Variants in WDFY3 observed in about 807,000 individuals in gnomAD.
WDFY3 encodes WD repeat and FYVE domain-containing protein 3.
Under a neutral mutation model 409.6 loss-of-function variants are expected in WDFY3, and 66 were observed. That is an observed-to-expected ratio of 0.16 (90% CI 0.13 to 0.20). The LOEUF (loss-of-function observed/expected upper bound fraction) is 0.20, where lower values mean the gene tolerates loss of function less well. Ranked by LOEUF, WDFY3 falls within the 10% of genes least tolerant of loss-of-function variation. The pLI, the probability that WDFY3 is intolerant of heterozygous loss-of-function variation, is 1.00. For synonymous variants in WDFY3, 1,521 were observed against 1,537.1 expected, an observed-to-expected ratio of 0.99 and a Z score of 0.25; for missense variants, 3,031 against 4,298.1, an observed-to-expected ratio of 0.71 and a Z score of 8.24.
chr4:84,678,853 G>A (rs1404463159), intron 65 of WDFY3, 66 bp downstream of exon 65: 1 of 1,523,746 alleles, frequency 6.6e-7, no homozygotes, highest in African/African-American at 1.4e-5. Flanking sequence ...AGACCCCACT[G>A]CCTCAATCCA....
intron 1 of WDFY3, among the ~76,000 whole-genome samples, chr4:84,955,650 A>G (rs1774152939): frequency 6.6e-6 from 1 of 152,240 alleles, no homozygotes; most frequent in Admixed American, 6.5e-5. Flanking sequence ...GGAGCTCTAT[A>G]CTATTTTTGC....
intron 3 of WDFY3, among the ~76,000 whole-genome samples, chr4:84,865,789 A>G (rs141372469): frequency 6.6e-6 from 1 of 152,250 alleles, no homozygotes; most frequent in East Asian, 1.9e-4. Context: ...AATGCCAGAG[A>G]CCAGGCACAG....
At chr4:84,954,056 C>T (rs142179341) in intron 1 of WDFY3, among the ~76,000 whole-genome samples, 118 of 152,228 alleles carry the variant, frequency 7.8e-4, no homozygotes, top group African/African-American at 2.7e-3. Flanking sequence ...ATGTGTAAAG[C>T]GTCCATGCAT....
In WDFY3 at chr4:84,703,767, A is replaced by G. The variant is rs562047403; in HGVS notation, c.8442+571T>C. 2.2e-3 allele frequency among the ~76,000 whole-genome samples: 338 copies of G among 152,024 alleles called. 2 individuals carry two copies. Among genetic ancestry groups the G allele is most frequent in the African/African-American group, 7.9e-3 (327 of 41,472 alleles). On this transcript the variant is annotated intron_variant, in intron 55 of 67. Coordinates refer to ENST00000295888, the MANE Select transcript of WDFY3 (RefSeq NM_014991.6). Reference sequence around the variant, plus strand: ...CCTTGCCCAACCTCCTGTTCTCCCCACTTCCCATCCCCCTTTCTGGACCTA... The same window carrying G: ...CCTTGCCCAACCTCCTGTTCTCCCCGCTTCCCATCCCCCTTTCTGGACCTA...
chr4:84,745,147 C>T (rs1739199376), intron 36 of WDFY3, among the ~76,000 whole-genome samples: 1 of 152,086 alleles, frequency 6.6e-6, no homozygotes, highest in Non-Finnish European at 1.5e-5. Flanking sequence ...CATAACTTTC[C>T]AGTATCTGAT....
intron 49 of WDFY3, among the ~76,000 whole-genome samples, chr4:84,716,655 C>T (rs1380249215): frequency 2.7e-5 from 4 of 147,306 alleles, no homozygotes; most frequent in East Asian, 4.2e-4. Flanking sequence ...AAAAATTAGC[C>T]TGGCGTGGTG....
At chr4:84,754,090 G>C (rs1428665320) in intron 34 of WDFY3, among the ~76,000 whole-genome samples, 2 of 152,032 alleles carry the variant, frequency 1.3e-5, no homozygotes, top group African/African-American at 4.8e-5. Flanking sequence ...GAAACTGATA[G>C]GATCATTGTC....
intron 1 of WDFY3, among the ~76,000 whole-genome samples, chr4:84,942,308 C>T (rs552317186): frequency 2.0e-5 from 3 of 151,270 alleles, no homozygotes; most frequent in Admixed American, 1.3e-4. Flanking sequence ...AGACTGGAAC[C>T]CAAAATATAT....
At chr4:84,881,186 T>C (rs1763487998) in intron 3 of WDFY3, among the ~76,000 whole-genome samples, 1 of 152,176 alleles carries the variant, frequency 6.6e-6, no homozygotes, top group Non-Finnish European at 1.5e-5. Flanking sequence ...CATCACATAC[T>C]TTTATTTTAA....
intron 17 of WDFY3, among the ~76,000 whole-genome samples, chr4:84,801,368 A>T (rs181372022): frequency 6.6e-6 from 1 of 152,230 alleles, no homozygotes; most frequent in Non-Finnish European, 1.5e-5. Context: ...ATGAAAAGTT[A>T]TTAAATATAA....
chr4:84,926,253 C>T (rs965266629), intron 2 of WDFY3, among the ~76,000 whole-genome samples: 1 of 147,346 alleles, frequency 6.8e-6, no homozygotes, highest in Non-Finnish European at 1.5e-5. Flanking sequence ...ATACAAACAT[C>T]AGGCTCTATT....
chr4:84,752,798 T>G (rs1740763978), intron 35 of WDFY3, among the ~76,000 whole-genome samples: 1 of 152,174 alleles, frequency 6.6e-6, no homozygotes, highest in Non-Finnish European at 1.5e-5. Context: ...CATGAAATTT[T>G]GAAGTACTAT....
intron 1 of WDFY3, among the ~76,000 whole-genome samples, chr4:84,962,379 G>A (rs1002707099): frequency 6.6e-6 from 1 of 152,090 alleles, no homozygotes; most frequent in African/African-American, 2.4e-5. Flanking sequence ...TACGCTAAGT[G>A]CAAGGGAACA....
At chr4:84,903,822 C>T (rs1021191479) in intron 2 of WDFY3, among the ~76,000 whole-genome samples, 17 of 152,272 alleles carry the variant, frequency 1.1e-4, no homozygotes, top group African/African-American at 3.6e-4. Flanking sequence ...TAAGACACTA[C>T]GCTATACACA....
At position 84,726,992 on chromosome 4, in the gene WDFY3, T is replaced by C. The variant is rs1352288334; in HGVS notation, c.7222-81A>G. ...ACAAAAATAAAATTTTTCTTGAGGA[T>C]TGTATGAAATATGAAAGATGTAGTT... On this transcript the variant is annotated intron_variant, in intron 44 of 67. Coordinates refer to ENST00000295888, the MANE Select transcript of WDFY3 (RefSeq NM_014991.6). The C allele has an allele frequency of 3.9e-6, 5 of 1,267,878 alleles. No individual in the cohort carries two copies. In the African/African-American group the frequency reaches 4.6e-5, roughly 12 times the overall value. The allele number at this position is 1,267,878 out of a possible 1,614,324, so 78.5% of individuals were successfully genotyped here. A position where few individuals can be genotyped will look rare whatever the true frequency, so the allele number is the denominator to read the frequency against.
intron 56 of WDFY3, among the ~76,000 whole-genome samples, chr4:84,701,176 G>A (rs1005381151): frequency 1.3e-5 from 2 of 152,140 alleles, no homozygotes; most frequent in Admixed American, 6.6e-5. Flanking sequence ...GATTGTTCTC[G>A]TTGACTATTC....
intron 3 of WDFY3, among the ~76,000 whole-genome samples, chr4:84,872,806 T>C (rs573341509): frequency 8.8e-4 from 134 of 152,206 alleles, no homozygotes; most frequent in African/African-American, 3.1e-3. Context: ...CCATGCTAAC[T>C]CTAATCAAAG....
At position 84,696,778 on chromosome 4, in the gene WDFY3, G is replaced by A. The variant is rs1730220910; in HGVS notation, c.8642C>T (p.Pro2881Leu). ...GTKLGDVILP[P>L]WAKGDPREFI... ...TTCTCGTGGGTCCCCTTTTGCCCAG[G>A]GTGGAAGGATAACATCTCCAAGCTT... The change falls in exon 57 of 68, where the codon CCC (proline) becomes CTC (leucine). Residue 2881 changes from proline (P) to leucine (L), a missense_variant. By Grantham distance (98) the Pro-to-Leu change is moderately conservative. Transcript: ENST00000295888. The A allele has an allele frequency of 6.2e-7, 1 of 1,613,616 alleles. No homozygotes were observed. The highest frequency in any genetic ancestry group is 8.5e-7 in the Non-Finnish European group (1 of 1,179,852).
chr4:84,958,184 G>A (rs1774477321), intron 1 of WDFY3, among the ~76,000 whole-genome samples: 1 of 152,118 alleles, frequency 6.6e-6, no homozygotes, highest in African/African-American at 2.4e-5. Context: ...GGCAGAGGCT[G>A]GTACAGGAAT....
Sources: gnomAD v4.1 joint callset for allele counts (sites outside exome capture counted in the v4.1 genomes callset) on GRCh38, gnomAD v4.1.1 for gene constraint, MANE v1.5 for transcripts, NCBI Gene and HGNC (gene_info 2026-07-23, HGNC 2026-07-21) for gene names.